Variants in EPHA6 observed in about 807,000 individuals in gnomAD.
EPHA6 encodes the protein EPH receptor A6.
EPHA6 carries 50 observed loss-of-function variants against 112.0 expected under a neutral mutation model. That is an observed-to-expected ratio of 0.45 (90% CI 0.36 to 0.56). EPHA6 has a LOEUF of 0.56. Among genes scored for constraint, EPHA6 ranks in the 20% least tolerant of loss-of-function variants. The pLI is 0.00. For missense variants in EPHA6, 1,280 were observed against 1,417.4 expected (o/e 0.90, Z 1.56); for synonymous variants, 529 against 490.7 (o/e 1.08, Z -1.03).
chr3:97,208,986 T>A (rs1206255723), intron 3 of EPHA6, among the ~76,000 whole-genome samples: 1 of 151,412 alleles, frequency 6.6e-6, no homozygotes, highest in Non-Finnish European at 1.5e-5. Flanking sequence ...ATAGTGAATA[T>A]TTTTTATGTC....
chr3:96,883,961 A>G (rs2037476959), intron 2 of EPHA6, among the ~76,000 whole-genome samples: 1 of 152,028 alleles, frequency 6.6e-6, no homozygotes, highest in Non-Finnish European at 1.5e-5. Flanking sequence ...GCCCAGTACC[A>G]TTTGTGAAAA....
chr3:97,115,160 G>A (rs1268076367), intron 3 of EPHA6, among the ~76,000 whole-genome samples: 2 of 151,812 alleles, frequency 1.3e-5, no homozygotes, highest in African/African-American at 2.4e-5. Flanking sequence ...GGCTATGTAG[G>A]GATTTTTGTT....
rs1577006317 is a variant in EPHA6, at chr3:97,333,575, G to A, written c.1607-71575G>A. On this transcript the variant is annotated intron_variant, in intron 5 of 17. Coordinates refer to ENST00000389672, the MANE Select transcript of EPHA6 (RefSeq NM_001080448.3). ...TGTACCCTTGATCTTCCAGGCTCAA[G>A]TGATACTCCCACCTCAGCCTCCGAG... Among the ~76,000 whole-genome samples the A allele has an allele frequency of 3.4e-5, 5 of 146,798 alleles. No individual in the cohort carries two copies. The South Asian group carries it at 1.1e-3, about 32-fold the overall frequency.
intron 2 of EPHA6, among the ~76,000 whole-genome samples, chr3:96,959,098 T>C (rs935947876): frequency 5.9e-5 from 9 of 152,248 alleles, no homozygotes; most frequent in Non-Finnish European, 1.3e-4. Flanking sequence ...TTTTCTAAAG[T>C]GACTGTGCCA....
At chr3:96,946,558 T>G (rs1301636472) in intron 2 of EPHA6, among the ~76,000 whole-genome samples, 1 of 152,250 alleles carries the variant, frequency 6.6e-6, no homozygotes, top group East Asian at 1.9e-4. Context: ...CCACATTTTC[T>G]TAATCCAGTC....
intron 2 of EPHA6, among the ~76,000 whole-genome samples, chr3:96,976,911 C>T (rs949978469): frequency 3.3e-5 from 5 of 152,136 alleles, no homozygotes; most frequent in African/African-American, 1.2e-4. Flanking sequence ...CTGGTGTGCT[C>T]AGCCTAAGTT....
At chr3:97,613,597 A>T (rs1049487225) in intron 13 of EPHA6, among the ~76,000 whole-genome samples, 1 of 152,086 alleles carries the variant, frequency 6.6e-6, no homozygotes, top group Admixed American at 6.6e-5. Context: ...ATTCTTCCAG[A>T]TATATATCGG....
chr3:97,398,591 C>A (rs1359769567), intron 5 of EPHA6, among the ~76,000 whole-genome samples: 1 of 151,190 alleles, frequency 6.6e-6, no homozygotes, highest in East Asian at 1.9e-4. Flanking sequence ...TTTAAATATT[C>A]TTCATTTGTT....
chr3:97,534,387 A>T (rs1274381068), intron 11 of EPHA6, among the ~76,000 whole-genome samples: 1 of 151,664 alleles, frequency 6.6e-6, no homozygotes, highest in South Asian at 2.1e-4. Context: ...CCACATAAGG[A>T]CCTTTAACCT....
rs1576220670 is a variant in EPHA6 at position 97,657,668 on chromosome 3, A to C, written c.2784+19586A>C. On this transcript the variant is annotated intron_variant, in intron 14 of 17. Coordinates refer to ENST00000389672, the MANE Select transcript of EPHA6 (RefSeq NM_001080448.3). ...ACAGAATGTTATAAGAACGAACAGGATAATAAATAAGCTAAATTATAGATC... is the reference window on the plus strand; with the variant it reads ...ACAGAATGTTATAAGAACGAACAGGCTAATAAATAAGCTAAATTATAGATC... 7.2e-5 allele frequency among the ~76,000 whole-genome samples: 11 copies of C among 151,978 alleles called. No homozygotes were observed. The South Asian group carries it at 2.3e-3, about 31-fold the overall frequency.
chr3:96,826,704 T>C (rs948300236), intron 1 of EPHA6, among the ~76,000 whole-genome samples: 4 of 151,542 alleles, frequency 2.6e-5, no homozygotes, highest in East Asian at 1.9e-4. Flanking sequence ...ATATCTCACG[T>C]TATTTCCAAA....
At chr3:96,936,625 A>G (rs1029193832) in intron 2 of EPHA6, among the ~76,000 whole-genome samples, 3 of 151,478 alleles carry the variant, frequency 2.0e-5, no homozygotes, top group Non-Finnish European at 4.4e-5. Context: ...TATTATTATT[A>G]TACTTTAAGT....
chr3:97,639,563 TCTTTGTGGCAGTA>T (rs2093982794), intron 14 of EPHA6, among the ~76,000 whole-genome samples: 1 of 152,102 alleles, frequency 6.6e-6, no homozygotes, highest in Non-Finnish European at 1.5e-5. Flanking sequence ...ATTACTACAC[TCTTTGTGGCAGTA>T]AGCCTATATA....
At chr3:97,169,789 G>A (rs1456590615) in intron 3 of EPHA6, among the ~76,000 whole-genome samples, 1 of 151,924 alleles carries the variant, frequency 6.6e-6, no homozygotes, top group Non-Finnish European at 1.5e-5. Flanking sequence ...ACTACTAAAA[G>A]TAAAATTTGT....
chr3:97,053,603 T>C (rs968407092), intron 3 of EPHA6, among the ~76,000 whole-genome samples: 2 of 152,086 alleles, frequency 1.3e-5, no homozygotes, highest in Non-Finnish European at 2.9e-5. Context: ...CAGCCTAGGT[T>C]CAGGGGAGTA....
intron 3 of EPHA6, among the ~76,000 whole-genome samples, chr3:97,039,087 TAAATGGGCTGG>T: frequency 6.6e-6 from 1 of 152,090 alleles, no homozygotes; most frequent in African/African-American, 2.4e-5. Context: ...CCTAACAGCC[TAAATGGGCTGG>T]AAATGTTTAT....
chr3:96,965,020 G>A (rs566845569), intron 2 of EPHA6, among the ~76,000 whole-genome samples: 2 of 152,274 alleles, frequency 1.3e-5, no homozygotes, highest in South Asian at 4.1e-4. Flanking sequence ...AGACAAGTAA[G>A]AGAAATGATG....
intron 3 of EPHA6, among the ~76,000 whole-genome samples, chr3:97,021,358 C>G (rs1173536993): frequency 6.6e-6 from 1 of 152,126 alleles, no homozygotes; most frequent in Non-Finnish European, 1.5e-5. Context: ...GTTGCCTGCC[C>G]CTACACCTTC....
intron 11 of EPHA6, among the ~76,000 whole-genome samples, chr3:97,580,002 A>G (rs991165663): frequency 2.6e-5 from 4 of 152,198 alleles, no homozygotes; most frequent in African/African-American, 7.2e-5. Context: ...GCAAATACAA[A>G]TGTTCTTTTA....
Sources: allele counts gnomAD v4.1 joint callset (sites outside exome capture counted in the v4.1 genomes callset), GRCh38; gene constraint gnomAD v4.1.1; transcripts MANE v1.5; gene names NCBI Gene and HGNC (gene_info 2026-07-23, HGNC 2026-07-21).